The following USP14 variants were observed in gnomAD, a reference collection of about 807,000 sequenced individuals.
USP14 encodes the protein ubiquitin specific peptidase 14, also known as ubiquitin carboxyl-terminal hydrolase 14.
USP14 carries 38 observed loss-of-function variants against 76.5 expected under a neutral mutation model. The ratio of observed to expected loss-of-function variants is 0.50; its 90% CI spans 0.38 to 0.65. USP14 has a LOEUF of 0.65. USP14 is among the 30% of genes least tolerant of loss of function. USP14 has a pLI of 0.00. For missense variants in USP14, 467 were observed against 586.5 expected, an observed-to-expected ratio of 0.80 and a Z score of 2.10; for synonymous variants, 192 against 191.7, an observed-to-expected ratio of 1.00 and a Z score of -0.01.
At chr18:196,466 G>T (rs1910238063) in intron 6 of USP14, 171 bp from the exon 7 acceptor site, 1 of 523,956 alleles carries the variant, frequency 1.9e-6, no homozygotes, top group East Asian at 4.3e-5. Flanking sequence ...GGAGGTTGCG[G>T]TGAGCCGAGA....
rs537517119 is a variant in USP14, at chr18:184,564, G to A, written c.404+4225G>A. The stretch of plus-strand genomic sequence containing the variant: ...AGCTTAGGAATTTGAGACTAGCCTC[G>A]GCAACGTGGCAAAACCCCACCTCTA... On this transcript the variant is annotated intron_variant, in intron 5 of 15. Transcript: ENST00000261601. Among the ~76,000 whole-genome samples the A allele has an allele frequency of 9.7e-4, 147 of 152,162 alleles. 2 individuals carry two copies. The highest frequency in any genetic ancestry group is 3.3e-3 in the African/African-American group (138 of 41,518).
chr18:165,961 G>A (rs116503853), intron 2 of USP14, among the ~76,000 whole-genome samples: 52 of 152,214 alleles, frequency 3.4e-4, no homozygotes, highest in African/African-American at 1.2e-3. Context: ...GAAAGGCCTA[G>A]CTGTAGTTAG....
rs1909023998 is a variant in USP14, at chr18:158,732, C to T, written c.16+18C>T. The T allele has an allele frequency of 1.3e-6, 2 of 1,500,732 alleles. No homozygotes were observed. 93.0% of individuals were successfully genotyped at this position (1,500,732 alleles called of 1,614,324 possible). On this transcript the variant is annotated intron_variant, in intron 1 of 15. Coordinates refer to ENST00000261601, the MANE Select transcript of USP14 (RefSeq NM_005151.4). ...CTACTCCGGTGAGCCCTGTCCTGGC[C>T]TCGCGCGCAGCACACCGGACCGGCG...
In USP14 at chr18:161,906, T is replaced by G. The variant is rs1909130345; in HGVS notation, c.17-1402T>G. On this transcript the variant is annotated intron_variant, in intron 1 of 15. Coordinates refer to ENST00000261601, the MANE Select transcript of USP14 (RefSeq NM_005151.4). ...ATAAAGTTTACCATTTTAATGATTTTTACGTATACAGTTCTATAGCATTAA... is the reference window on the plus strand; with the variant it reads ...ATAAAGTTTACCATTTTAATGATTTGTACGTATACAGTTCTATAGCATTAA... 3.3e-5 allele frequency among the ~76,000 whole-genome samples: 5 copies of G among 152,352 alleles called. No individual in the cohort carries two copies. The South Asian group carries it at 1.0e-3, about 32-fold the overall frequency.
At chr18:196,522 T>C (rs1177829836) in intron 6 of USP14, 115 bp from the exon 7 acceptor site, 2 of 1,174,252 alleles carry the variant, frequency 1.7e-6, no homozygotes, top group Non-Finnish European at 2.3e-6. Context: ...AGACTCCATC[T>C]CAAAAAAAAA....
chr18:167,547 G>C (rs536768615), intron 3 of USP14, among the ~76,000 whole-genome samples: 1 of 151,488 alleles, frequency 6.6e-6, no homozygotes, highest in African/African-American at 2.4e-5. Flanking sequence ...TCACTCTCAC[G>C]TATGCCGGAG....
intron 6 of USP14, 95 bp from the exon 7 acceptor site, chr18:196,538 TTAAG>T (rs938148712): frequency 3.1e-5 from 41 of 1,329,478 alleles, no homozygotes; most frequent in East Asian, 1.1e-4. Context: ...AAAAAAAAAA[TTAAG>T]TAAGTTTTTG....
chr18:209,976 C>A lies in USP14; in HGVS notation c.1170C>A (p.Asp390Glu). 1 of 1,599,030 alleles carries A rather than the reference C, an allele frequency of 6.3e-7. No individual in the cohort carries two copies. Among genetic ancestry groups the A allele is most frequent in the Non-Finnish European group, 8.5e-7 (1 of 1,174,402 alleles). The change falls in exon 14 of 16, where the codon GAC becomes GAA. Residue 390 changes from aspartate (D) to glutamate (E), a missense_variant. By Grantham distance (45) the Asp-to-Glu change is conservative. Transcript: ENST00000261601. ...AAACATTTTTTTCTCCTCAGAGTGACAAAAAGAGTAGTCCCCAGAAAGAAG... is the reference window on the plus strand; with the variant it reads ...AAACATTTTTTTCTCCTCAGAGTGAAAAAAAGAGTAGTCCCCAGAAAGAAG... ...KKVNQQPNTSDKKSSPQKEVK... is the reference protein window; with the variant it reads ...KKVNQQPNTSEKKSSPQKEVK...
At chr18:160,090 G>A (rs1258594707) in intron 1 of USP14, among the ~76,000 whole-genome samples, 1 of 152,152 alleles carries the variant, frequency 6.6e-6, no homozygotes, top group African/African-American at 2.4e-5. Flanking sequence ...GATCACTTGA[G>A]GTCAGGAGTT....
chr18:208,784 C>T (rs773003116), intron 13 of USP14, among the ~76,000 whole-genome samples: 2 of 152,086 alleles, frequency 1.3e-5, no homozygotes, highest in African/African-American at 2.4e-5. Flanking sequence ...CTTGCTCTGT[C>T]GCCCAGGCTG....
At chr18:192,811 C>T in intron 5 of USP14, 31 bp from the exon 6 acceptor site, 2 of 1,608,420 alleles carry the variant, frequency 1.2e-6, no homozygotes, top group East Asian at 2.2e-5. Flanking sequence ...GAATTGAATT[C>T]TATTGTTTAA....
At chr18:161,377 C>G (rs555486889) in intron 1 of USP14, among the ~76,000 whole-genome samples, 1 of 152,260 alleles carries the variant, frequency 6.6e-6, no homozygotes, top group Admixed American at 6.5e-5. Context: ...GGAATGTTTT[C>G]CTTCTTTTCT....
At chr18:188,525 T>C (rs1567831758) in intron 5 of USP14, among the ~76,000 whole-genome samples, 3 of 146,760 alleles carry the variant, frequency 2.0e-5, no homozygotes, top group Admixed American at 6.8e-5. Context: ...TTTTTTTTTT[T>C]CCTTTGTGAG....
chr18:181,344 TG>T (rs1211743473), intron 5 of USP14, among the ~76,000 whole-genome samples: 5 of 152,244 alleles, frequency 3.3e-5, no homozygotes, highest in Non-Finnish European at 5.9e-5. Context: ...TTGCCAATAT[TG>T]TCTGTCTTTG....
At chr18:202,380 T>C (rs1484476312) in intron 10 of USP14, among the ~76,000 whole-genome samples, 1 of 152,234 alleles carries the variant, frequency 6.6e-6, no homozygotes, top group Non-Finnish European at 1.5e-5. Flanking sequence ...GTGCAGCAGC[T>C]AAAGGCTTTC....
intron 3 of USP14, among the ~76,000 whole-genome samples, chr18:167,027 G>A (rs1160889213): frequency 6.6e-6 from 1 of 151,954 alleles, no homozygotes; most frequent in East Asian, 1.9e-4. Context: ...CATTGATCTA[G>A]TAGATTAAAG....
intron 5 of USP14, among the ~76,000 whole-genome samples, chr18:192,010 A>G (rs141060078): frequency 1.9e-4 from 26 of 136,650 alleles, no homozygotes; most frequent in African/African-American, 7.8e-4. Context: ...ACTGTTGTAA[A>G]TTAAGTGAGG....
At chr18:190,237 A>T (rs1910049811) in intron 5 of USP14, among the ~76,000 whole-genome samples, 1 of 152,198 alleles carries the variant, frequency 6.6e-6, no homozygotes, top group Non-Finnish European at 1.5e-5. Context: ...TTATGAAAAA[A>T]TATACTCTGA....
intron 5 of USP14, among the ~76,000 whole-genome samples, chr18:189,448 T>C (rs1008841025): frequency 1.3e-5 from 2 of 152,226 alleles, no homozygotes; most frequent in African/African-American, 4.8e-5. Context: ...CTAGAAAGTC[T>C]CTTATCTTTT....
Sources: gnomAD v4.1 joint callset for allele counts (sites outside exome capture counted in the v4.1 genomes callset) on GRCh38, gnomAD v4.1.1 for gene constraint, MANE v1.5 for transcripts, NCBI Gene and HGNC (gene_info 2026-07-23, HGNC 2026-07-21) for gene names.